Variants in TRHDE observed in about 807,000 individuals in gnomAD.
TRHDE encodes thyrotropin releasing hormone degrading enzyme.
Under a neutral mutation model 125.7 loss-of-function variants are expected in TRHDE, and 72 were observed. The observed-to-expected ratio is 0.57, with a 90% CI of 0.47 to 0.70. The LOEUF is 0.70. Among genes scored for constraint, TRHDE ranks in the 30% least tolerant of loss-of-function variants. The pLI, the probability that TRHDE is intolerant of heterozygous loss-of-function variation, is 0.00. For missense variants in TRHDE, 1,110 were observed against 1,327.1 expected (o/e 0.84, Z 2.54); for synonymous variants, 509 against 509.1 (o/e 1.00, Z 0.00).
chr12:72,133,395 T>C (rs928849497), intron 2 of TRHDE, among the ~76,000 whole-genome samples: 22 of 152,204 alleles, frequency 1.4e-4, no homozygotes, highest in African/African-American at 5.3e-4. Context: ...ATGGCTGAGA[T>C]TGCTGTGTCG....
chr12:72,593,682 A>T (rs1871793163), intron 12 of TRHDE, among the ~76,000 whole-genome samples: 1 of 151,016 alleles, frequency 6.6e-6, no homozygotes, highest in Non-Finnish European at 1.5e-5. Flanking sequence ...CACCCTGCTG[A>T]CAGGCCCTGT....
intron 3 of TRHDE, among the ~76,000 whole-genome samples, chr12:72,391,662 G>C (rs1279065488): frequency 6.6e-6 from 1 of 152,034 alleles, no homozygotes; most frequent in African/African-American, 2.4e-5. Flanking sequence ...TAAAATAATT[G>C]GTAGGTTGAT....
intron 6 of TRHDE, among the ~76,000 whole-genome samples, chr12:72,520,813 A>T (rs1444663888): frequency 6.6e-6 from 1 of 152,314 alleles, no homozygotes; most frequent in African/African-American, 2.4e-5. Context: ...ACATAGCACA[A>T]TTTTATCATC....
At chr12:72,571,107 C>T (rs1271133356) in intron 10 of TRHDE, among the ~76,000 whole-genome samples, 5 of 151,906 alleles carry the variant, frequency 3.3e-5, no homozygotes, top group Admixed American at 6.6e-5. Context: ...TTTATGAAGT[C>T]CTTCGTTCTG....
At chr12:72,144,138 A>G (rs1042417576) in intron 2 of TRHDE, among the ~76,000 whole-genome samples, 21 of 152,232 alleles carry the variant, frequency 1.4e-4, no homozygotes, top group Non-Finnish European at 2.4e-4. Flanking sequence ...TGATAGCTCA[A>G]TCAGGAGAGA....
chr12:72,670,112 C>T lies in TRHDE; in HGVS notation c.*6917C>T, dbSNP rs749446026. The T allele has an allele frequency of 5.3e-5, 8 of 151,678 alleles. No homozygotes were observed. The highest frequency in any genetic ancestry group is 8.9e-5 in the Non-Finnish European group (6 of 67,786). 9.4% of individuals were successfully genotyped at this position (151,678 alleles called of 1,614,324 possible). ...AGTAATAAAGTTTACTTTCCTAAAT[C>T]CATTCCCCAAGTGAACAGGCTTATT... On this transcript the variant is annotated 3_prime_UTR_variant, in exon 19 of 19. Coordinates refer to ENST00000261180, the MANE Select transcript of TRHDE (RefSeq NM_013381.3).
intron 6 of TRHDE, among the ~76,000 whole-genome samples, chr12:72,519,695 G>T: frequency 6.6e-6 from 1 of 152,302 alleles, no homozygotes; most frequent in Non-Finnish European, 1.5e-5. Flanking sequence ...GAGGAACTGC[G>T]TTCCTTTGGA....
At chr12:72,502,113 G>A (rs1047000717) in intron 6 of TRHDE, among the ~76,000 whole-genome samples, 1 of 151,834 alleles carries the variant, frequency 6.6e-6, no homozygotes, top group African/African-American at 2.4e-5. Context: ...ATCTCAAAAA[G>A]CATCCTTTGT....
At chr12:72,520,764 G>T (rs905061806) in intron 6 of TRHDE, among the ~76,000 whole-genome samples, 2 of 152,134 alleles carry the variant, frequency 1.3e-5, no homozygotes, top group African/African-American at 4.8e-5. Flanking sequence ...GGAGCTCTGG[G>T]TTCGATCTAA....
At chr12:72,094,624 C>G (rs1592437832) in intron 1 of TRHDE, among the ~76,000 whole-genome samples, 1 of 152,240 alleles carries the variant, frequency 6.6e-6, no homozygotes, top group Non-Finnish European at 1.5e-5. Context: ...AGGACCACTT[C>G]AGGGTCCTAG....
At chr12:72,371,905 C>T (rs1044397932) in intron 2 of TRHDE, among the ~76,000 whole-genome samples, 1 of 152,074 alleles carries the variant, frequency 6.6e-6, no homozygotes, top group Non-Finnish European at 1.5e-5. Context: ...GGGTATATTC[C>T]CAGTAATGGG....
chr12:72,327,806 A>G (rs1407989930), intron 2 of TRHDE, among the ~76,000 whole-genome samples: 1 of 151,654 alleles, frequency 6.6e-6, no homozygotes, highest in African/African-American at 2.4e-5. Context: ...TTGATTACAT[A>G]TCAGACTGTA....
At chr12:72,109,739 C>A (rs1875274396) in intron 2 of TRHDE, among the ~76,000 whole-genome samples, 1 of 152,140 alleles carries the variant, frequency 6.6e-6, no homozygotes, top group South Asian at 2.1e-4. Flanking sequence ...TTTGTGGAAA[C>A]TGCGTTATAT....
chr12:72,521,785 GGTCT>G lies in TRHDE; in HGVS notation c.1723-20502_1723-20499del, dbSNP rs549832651. Among the ~76,000 whole-genome samples, 26 of 152,274 alleles carry G rather than the reference GGTCT, an allele frequency of 1.7e-4. No individual in the cohort carries two copies. The East Asian group carries it at 4.4e-3, about 26-fold the overall frequency. On this transcript the variant is annotated intron_variant, in intron 6 of 18. Transcript: ENST00000261180. ...CCACATAATTTTCCTTCTGGAAGGG[GGTCT>G]GTCACAGCAGGAACCTTGCTACTAA...
At chr12:72,231,915 A>G (rs1878254157) in intron 2 of TRHDE, among the ~76,000 whole-genome samples, 1 of 152,200 alleles carries the variant, frequency 6.6e-6, no homozygotes, top group African/African-American at 2.4e-5. Flanking sequence ...CCTTTTAGTT[A>G]CAGCAGACCC....
intron 5 of TRHDE, among the ~76,000 whole-genome samples, chr12:72,486,306 C>G (rs867264789): frequency 6.6e-6 from 1 of 152,122 alleles, no homozygotes. Context: ...TTTTACAAGA[C>G]CCTGATCCCA....
chr12:72,457,152 G>A (rs983516630), intron 3 of TRHDE, among the ~76,000 whole-genome samples: 3 of 152,022 alleles, frequency 2.0e-5, no homozygotes, highest in Admixed American at 6.6e-5. Flanking sequence ...ATGGTATTTC[G>A]AACGGAAAGT....
intron 15 of TRHDE, among the ~76,000 whole-genome samples, chr12:72,631,042 T>C (rs1873474903): frequency 6.6e-6 from 1 of 150,914 alleles, no homozygotes; most frequent in African/African-American, 2.4e-5. Flanking sequence ...TTAATTTTCA[T>C]ATATAAATAA....
intron 2 of TRHDE, among the ~76,000 whole-genome samples, chr12:72,206,520 A>C (rs887895783): frequency 6.6e-6 from 1 of 152,200 alleles, no homozygotes; most frequent in African/African-American, 2.4e-5. Context: ...GTAGGTGTTC[A>C]ATGCATATTT....
Sources: allele counts gnomAD v4.1 joint callset (sites outside exome capture counted in the v4.1 genomes callset), GRCh38; gene constraint gnomAD v4.1.1; transcripts MANE v1.5; gene names NCBI Gene and HGNC (gene_info 2026-07-23, HGNC 2026-07-21).